Variants in SEMA6A observed in about 807,000 individuals in gnomAD.
The protein encoded by SEMA6A is semaphorin-6A.
A neutral mutation model predicts 96.8 loss-of-function variants in SEMA6A; 25 were observed. The ratio of observed to expected loss-of-function variants is 0.26; its 90% CI spans 0.19 to 0.36. The LOEUF (loss-of-function observed/expected upper bound fraction) is 0.36. Among genes scored for constraint, SEMA6A ranks in the 10% least tolerant of loss-of-function variants. The probability of loss-of-function intolerance (pLI) is 1.00; values close to 1 mark genes in which losing one functional copy is unlikely to be tolerated. For missense variants in SEMA6A, 1,363 were observed against 1,323.1 expected (o/e 1.03, Z -0.47); for synonymous variants, 612 against 518.0 (o/e 1.18, Z -2.46).
Position 116,495,534 on chromosome 5 carries a change from G to C in SEMA6A, c.343-20C>G, listed in dbSNP as rs751405636. 7 of 1,513,428 alleles carry C rather than the reference G, an allele frequency of 4.6e-6. No individual in the cohort carries two copies. The highest frequency in any genetic ancestry group is 5.4e-6 in the Non-Finnish European group (6 of 1,104,814). 93.7% of individuals were successfully genotyped at this position (1,513,428 alleles called of 1,614,324 possible). ...CTCATCCTGAAAAATAATTCAAACT[G>C]TTTTGTATCATGTCCATTCAGTACA... is the stretch of plus-strand genomic sequence containing the variant. On this transcript the variant is annotated intron_variant, in intron 5 of 18. Coordinates refer to ENST00000343348, the MANE Select transcript of SEMA6A (RefSeq NM_020796.5).
intron 1 of SEMA6A, among the ~76,000 whole-genome samples, chr5:116,568,382 T>C (rs1046980284): frequency 3.3e-5 from 5 of 152,208 alleles, no homozygotes; most frequent in Middle Eastern, 3.2e-3. Context: ...TCAGGTCTTC[T>C]TGTCTCCAAG....
chr5:116,505,486 T>C (rs949920892), intron 1 of SEMA6A, among the ~76,000 whole-genome samples: 1 of 145,784 alleles, frequency 6.9e-6, no homozygotes, highest in African/African-American at 2.5e-5. Flanking sequence ...CACACACACA[T>C]CTATAACTCA....
At chr5:116,547,324 T>C (rs1207761394) in intron 1 of SEMA6A, among the ~76,000 whole-genome samples, 1 of 152,218 alleles carries the variant, frequency 6.6e-6, no homozygotes, top group Middle Eastern at 3.2e-3. Context: ...TTTATTGAAT[T>C]GCTAGCCAAA....
intron 18 of SEMA6A, among the ~76,000 whole-genome samples, chr5:116,448,169 C>CT (rs1754376193): frequency 3.8e-5 from 1 of 26,340 alleles, no homozygotes; most frequent in Non-Finnish European, 7.3e-5. Flanking sequence ...CCCGTCTCTA[C>CT]TAAAAAAAAA....
At chr5:116,461,384 G>T (rs1051391962) in intron 18 of SEMA6A, among the ~76,000 whole-genome samples, 5 of 151,838 alleles carry the variant, frequency 3.3e-5, no homozygotes, top group Non-Finnish European at 5.9e-5. Flanking sequence ...AAACTGCCTT[G>T]CTCTACTCTC....
intron 1 of SEMA6A, among the ~76,000 whole-genome samples, chr5:116,522,765 G>A (rs1278417030): frequency 6.6e-6 from 1 of 151,946 alleles, no homozygotes; most frequent in Non-Finnish European, 1.5e-5. Flanking sequence ...TTGATTTCTG[G>A]GCAGGCACCT....
intron 18 of SEMA6A, among the ~76,000 whole-genome samples, chr5:116,452,334 G>T (rs1040830300): frequency 6.6e-6 from 1 of 151,994 alleles, no homozygotes; most frequent in African/African-American, 2.4e-5. Flanking sequence ...CCTTCCTATT[G>T]CAGGAAGCAA....
intron 18 of SEMA6A, among the ~76,000 whole-genome samples, chr5:116,463,020 T>C (rs1755514711): frequency 6.6e-6 from 1 of 152,080 alleles, no homozygotes; most frequent in African/African-American, 2.4e-5. Flanking sequence ...TTTTCAACGA[T>C]AAAATGTAAC....
intron 15 of SEMA6A, 119 bp downstream of exon 15, chr5:116,477,727 G>T: frequency 2.1e-6 from 2 of 961,696 alleles, no homozygotes; most frequent in Non-Finnish European, 3.3e-6. Flanking sequence ...TGACAGTCCC[G>T]TTGCTGGAGT....
intron 18 of SEMA6A, among the ~76,000 whole-genome samples, chr5:116,452,359 T>C (rs1324703159): frequency 6.6e-6 from 1 of 152,106 alleles, no homozygotes; most frequent in Non-Finnish European, 1.5e-5. Context: ...CACCCTGGCT[T>C]AGAGATTTCT....
At chr5:116,545,751 G>A (rs1265973081) in intron 1 of SEMA6A, among the ~76,000 whole-genome samples, 2 of 152,170 alleles carry the variant, frequency 1.3e-5, no homozygotes, top group Non-Finnish European at 2.9e-5. Flanking sequence ...AGTGGGCTTG[G>A]CTGCTATGGA....
intron 18 of SEMA6A, among the ~76,000 whole-genome samples, chr5:116,448,772 A>AAC (rs1163490972): frequency 6.6e-6 from 1 of 151,740 alleles, no homozygotes; most frequent in African/African-American, 2.4e-5. Flanking sequence ...AAAAAAAAAA[A>AAC]AAAACAGTGC....
chr5:116,465,650 T>G (rs750838304), intron 18 of SEMA6A, among the ~76,000 whole-genome samples: 19 of 152,220 alleles, frequency 1.2e-4, no homozygotes, highest in Non-Finnish European at 2.6e-4. Context: ...AATTTTAAAA[T>G]GATGTGTCAA....
At chr5:116,499,813 T>G (rs17512333) in intron 3 of SEMA6A, among the ~76,000 whole-genome samples, 1,740 of 152,342 alleles carry the variant, frequency 0.011, 19 homozygotes, top group Non-Finnish European at 0.018. Context: ...TGTCTTGGTT[T>G]TAATGAGCTA....
Position 116,531,021 on chromosome 5 carries a change from G to A in SEMA6A, c.-38-26039C>T, listed in dbSNP as rs542224132. ...GTCACCTGCTAACTAGTAAGTTGGG[G>A]AACAGGGATTTGAACCTGGGACAAA... On this transcript the variant is annotated intron_variant, in intron 1 of 18. Coordinates refer to ENST00000343348, the MANE Select transcript of SEMA6A (RefSeq NM_020796.5). Among the ~76,000 whole-genome samples, 4 of 152,122 alleles carry A rather than the reference G, an allele frequency of 2.6e-5. No individual in the cohort carries two copies. In the South Asian group the frequency reaches 8.3e-4, roughly 31 times the overall value.
At chr5:116,523,362 G>T (rs1242053300) in intron 1 of SEMA6A, among the ~76,000 whole-genome samples, 1 of 152,110 alleles carries the variant, frequency 6.6e-6, no homozygotes, top group African/African-American at 2.4e-5. Context: ...TGCCCAGGCT[G>T]AAGTGCAGTG....
chr5:116,452,515 A>C (rs1754704769), intron 18 of SEMA6A, among the ~76,000 whole-genome samples: 2 of 152,176 alleles, frequency 1.3e-5, no homozygotes, highest in East Asian at 1.9e-4. Context: ...AAAGCAATGA[A>C]AAGATTATGA....
At chr5:116,452,021 G>C (rs1257056856) in intron 18 of SEMA6A, among the ~76,000 whole-genome samples, 3 of 152,090 alleles carry the variant, frequency 2.0e-5, no homozygotes, top group Admixed American at 2.0e-4. Flanking sequence ...CAACAGGCTA[G>C]AGCTGAGTAT....
chr5:116,486,792 C>G lies in SEMA6A; in HGVS notation c.919G>C (p.Gly307Arg). ...AACGTTGCCAGGACAACATCACGCC[C>G]GTTGATACGAATCACATCTGTAACT... is the stretch of plus-strand genomic sequence containing the variant. ...QAVTDVIRIN[G>R]RDVVLATFST... is the part of the protein sequence containing the mutation. The change falls in exon 10 of 19, where the codon GGG becomes CGG. Residue 307 changes from glycine (G) to arginine (R), a missense_variant. Physicochemically the swap from Gly to Arg is moderately radical, Grantham distance 125. Coordinates refer to ENST00000343348, the MANE Select transcript of SEMA6A (RefSeq NM_020796.5). 1 of 1,613,696 alleles carries G rather than the reference C, an allele frequency of 6.2e-7. No individual in the cohort carries two copies. The highest frequency in any genetic ancestry group is 8.5e-7 in the Non-Finnish European group (1 of 1,179,764).
Sources: allele counts gnomAD v4.1 joint callset (sites outside exome capture counted in the v4.1 genomes callset), GRCh38; gene constraint gnomAD v4.1.1; transcripts MANE v1.5; gene names NCBI Gene and HGNC (gene_info 2026-07-23, HGNC 2026-07-21).